The following PBLD variants were observed in gnomAD, a reference collection of about 807,000 sequenced individuals.
PBLD encodes phenazine biosynthesis like protein domain containing.
A neutral mutation model predicts 31.3 loss-of-function variants in PBLD; 26 were observed. That is an observed-to-expected ratio of 0.83 (90% confidence interval 0.61 to 1.15). PBLD has a LOEUF of 1.15. PBLD is among the 50% of genes most tolerant of loss of function. PBLD has a pLI of 0.00. For missense variants in PBLD, 307 were observed against 351.7 expected (o/e 0.87, Z 1.02); for synonymous variants, 114 against 129.0 (o/e 0.88, Z 0.79).
chr10:68,309,805 CAAAAAA>C (rs757212310), intron 1 of PBLD, among the ~76,000 whole-genome samples: 1 of 131,888 alleles, frequency 7.6e-6, no homozygotes, highest in African/African-American at 2.9e-5. Flanking sequence ...GACTCCGTCT[CAAAAAA>C]AAAAAAAAAA....
In PBLD at chr10:68,288,764, A is replaced by C. The variant is rs1012341265; in HGVS notation, c.513-103T>G. On this transcript the variant is annotated intron_variant, in intron 7 of 9. Coordinates refer to ENST00000358769, the MANE Select transcript of PBLD (RefSeq NM_022129.4). ...GGGTGCAGCTTGCTCAAAGAGCTTAACAGGAGGGGAAGGAAGAACAAGTGG... is the reference window on the plus strand; with the variant it reads ...GGGTGCAGCTTGCTCAAAGAGCTTACCAGGAGGGGAAGGAAGAACAAGTGG... 14 of 1,359,156 alleles carry C rather than the reference A, an allele frequency of 1.0e-5. No individual in the cohort carries two copies. In the African/African-American group the frequency reaches 2.0e-4, roughly 20 times the overall value. The allele number at this position is 1,359,156 out of a possible 1,614,324, so 84.2% of individuals were successfully genotyped here. A position where few individuals can be genotyped will look rare whatever the true frequency, so the allele number is the denominator to read the frequency against.
intron 4 of PBLD, among the ~76,000 whole-genome samples, chr10:68,294,865 C>T (rs1031555268): frequency 2.0e-5 from 3 of 152,178 alleles, no homozygotes; most frequent in African/African-American, 2.4e-5. Flanking sequence ...GTAGCTGGGA[C>T]TACCGGCGCC....
At chr10:68,327,161 T>C (rs757219916) in intron 1 of PBLD, among the ~76,000 whole-genome samples, 3 of 152,164 alleles carry the variant, frequency 2.0e-5, no homozygotes, top group Non-Finnish European at 4.4e-5. Context: ...TGAAGTCAAG[T>C]CTAAGTTTTG....
intron 1 of PBLD, among the ~76,000 whole-genome samples, chr10:68,318,541 C>G (rs1419446045): frequency 6.8e-6 from 1 of 147,138 alleles, no homozygotes. Flanking sequence ...AAAAAAAAGA[C>G]AACTGCATAA....
At chr10:68,292,778 G>A (rs1022593991) in intron 4 of PBLD, among the ~76,000 whole-genome samples, 4 of 152,142 alleles carry the variant, frequency 2.6e-5, no homozygotes, top group Non-Finnish European at 4.4e-5. Context: ...CCAAAATGCT[G>A]GGATTACAGG....
chr10:68,317,841 C>A (rs1468682110), intron 1 of PBLD, among the ~76,000 whole-genome samples: 1 of 151,814 alleles, frequency 6.6e-6, no homozygotes, highest in Non-Finnish European at 1.5e-5. Context: ...AGATTTGTTG[C>A]ACAATGATAT....
At chr10:68,306,666 G>T in intron 2 of PBLD, 95 bp downstream of exon 2, 1 of 1,160,018 alleles carries the variant, frequency 8.6e-7, no homozygotes, top group Non-Finnish European at 1.3e-6. Flanking sequence ...AACCAAAGAG[G>T]TAAACAAACA....
At chr10:68,288,803 T>TC (rs1388667088) in intron 7 of PBLD, 128 bp downstream of exon 7, 2 of 1,274,744 alleles carry the variant, frequency 1.6e-6, no homozygotes, top group African/African-American at 2.9e-5. Flanking sequence ...TGTCTTCCTA[T>TC]CAGGGAAAGA....
intron 4 of PBLD, among the ~76,000 whole-genome samples, chr10:68,295,751 A>G (rs943558587): frequency 2.0e-5 from 3 of 152,230 alleles, no homozygotes; most frequent in Admixed American, 6.5e-5. Flanking sequence ...CAGGAGTTTG[A>G]CACCAGCCTG....
At chr10:68,296,396 A>T (rs373168181) in intron 3 of PBLD, 32 bp from the exon 4 acceptor site, 2 of 1,487,792 alleles carry the variant, frequency 1.3e-6, no homozygotes, top group Non-Finnish European at 1.9e-6. Context: ...GAGAGATGAG[A>T]TCATTCCCAT....
intron 1 of PBLD, among the ~76,000 whole-genome samples, chr10:68,330,984 G>C (rs1011368057): frequency 3.3e-5 from 5 of 152,096 alleles, no homozygotes; most frequent in African/African-American, 1.2e-4. Context: ...CTCCTGTGTA[G>C]CTGGGACTAC....
chr10:68,315,934 CA>C (rs2044731436), intron 1 of PBLD, among the ~76,000 whole-genome samples: 1 of 152,064 alleles, frequency 6.6e-6, no homozygotes, highest in African/African-American at 2.4e-5. Context: ...CCACACACCA[CA>C]AAGAATACAG....
chr10:68,283,927 A>C lies in PBLD; in HGVS notation c.*250T>G. 3.2e-6 allele frequency: 1 copy of C among 312,072 alleles called. No individual in the cohort carries two copies. The highest frequency in any genetic ancestry group is 3.8e-5 in the South Asian group (1 of 26,528). 19.3% of individuals were successfully genotyped at this position (312,072 alleles called of 1,614,324 possible). A position where few individuals can be genotyped will look rare whatever the true frequency, so the allele number is the denominator to read the frequency against. ...ACACCCAGCTAATTTTTGTATTTGT[A>C]GTAGAGACGAGGTTTCACCATGTTG... On this transcript the variant is annotated 3_prime_UTR_variant, in exon 10 of 10. Coordinates refer to ENST00000358769, the MANE Select transcript of PBLD (RefSeq NM_022129.4).
intron 1 of PBLD, chr10:68,331,183 C>T (rs2045066478): frequency 6.6e-6 from 1 of 152,190 alleles, no homozygotes; most frequent in Non-Finnish European, 1.5e-5. Context: ...AAAAAAAAGC[C>T]ATAATGTGTC....
intron 1 of PBLD, among the ~76,000 whole-genome samples, chr10:68,327,358 A>G (rs918873228): frequency 1.3e-5 from 2 of 152,090 alleles, no homozygotes; most frequent in Non-Finnish European, 2.9e-5. Flanking sequence ...AATGAGATCT[A>G]TATTTTTATC....
chr10:68,321,149 T>C (rs2044830026), intron 1 of PBLD, among the ~76,000 whole-genome samples: 1 of 152,166 alleles, frequency 6.6e-6, no homozygotes, highest in Non-Finnish European at 1.5e-5. Context: ...TTTTAGGGTT[T>C]TTTTCTTTTC....
chr10:68,301,676 C>T (rs975999683), intron 2 of PBLD, among the ~76,000 whole-genome samples: 1 of 152,148 alleles, frequency 6.6e-6, no homozygotes, highest in African/African-American at 2.4e-5. Context: ...CTTTCTTTCT[C>T]TATAGCTCCC....
In PBLD at chr10:68,296,452, C is replaced by A. The variant is rs963781009; in HGVS notation, c.185-88G>T. On this transcript the variant is annotated intron_variant, in intron 3 of 9. Transcript: ENST00000358769. ...TCATTTTCTTCTTTCCTATATAGTT[C>A]TCTAGCATGATGAGTAGCCAAAACA... 8 of 993,328 alleles carry A rather than the reference C, an allele frequency of 8.1e-6. No homozygotes were observed. The African/African-American group carries it at 8.1e-5, about 10-fold the overall frequency. The allele number at this position is 993,328 out of a possible 1,614,324, so 61.5% of individuals were successfully genotyped here. A position where few individuals can be genotyped will look rare whatever the true frequency, so the allele number is the denominator to read the frequency against.
At chr10:68,315,684 A>G (rs1437130280) in intron 1 of PBLD, among the ~76,000 whole-genome samples, 1 of 152,098 alleles carries the variant, frequency 6.6e-6, no homozygotes, top group Non-Finnish European at 1.5e-5. Context: ...GTGTGCATGC[A>G]GAAAACCTGA....
Sources: allele counts gnomAD v4.1 joint callset (sites outside exome capture counted in the v4.1 genomes callset), GRCh38; gene constraint gnomAD v4.1.1; transcripts MANE v1.5; gene names NCBI Gene and HGNC (gene_info 2026-07-23, HGNC 2026-07-21).